The following HTR1B variants were observed in gnomAD, a reference collection of about 807,000 sequenced individuals.
The protein encoded by HTR1B is 5-hydroxytryptamine receptor 1B.
In HTR1B, 12 loss-of-function variants were observed where a neutral mutation model predicts 25.3. The observed-to-expected ratio is 0.47, with a 90% CI of 0.30 to 0.77. The LOEUF (loss-of-function observed/expected upper bound fraction) is 0.77. Ranked by LOEUF, HTR1B falls within the 30% of genes least tolerant of loss-of-function variation. HTR1B has a pLI of 0.06. For missense variants in HTR1B, 453 were observed against 503.0 expected (o/e 0.90, Z 0.95); for synonymous variants, 224 against 219.1 (o/e 1.02, Z -0.20).
In HTR1B at chr6:77,462,135, A is replaced by G. The variant is rs1476088838; in HGVS notation, c.*96T>C. The G allele has an allele frequency of 2.5e-6, 2 of 814,334 alleles. No individual in the cohort carries two copies. The highest frequency in any genetic ancestry group is 3.5e-5 in the African/African-American group (2 of 57,900). 50.4% of individuals were successfully genotyped at this position (814,334 alleles called of 1,614,324 possible). A position where few individuals can be genotyped will look rare whatever the true frequency, so the allele number is the denominator to read the frequency against. Reference sequence around the variant, plus strand: ...GCCCAGGAGAGAGAGCCTCGCTGGGACCCAGAAACCGCGAAAGAAGATTCG... The same window carrying G: ...GCCCAGGAGAGAGAGCCTCGCTGGGGCCCAGAAACCGCGAAAGAAGATTCG... On this transcript the variant is annotated 3_prime_UTR_variant, in exon 1 of 1. Transcript: ENST00000369947. This position sits in a 1 kb window ranked among gnomAD's most constrained non-coding sequence, Gnocchi z 4.9.
Position 77,462,728 on chromosome 6 carries a change from C to A in HTR1B, c.676G>T (p.Ala226Ser), listed in dbSNP as rs1766158151. ...TCTACGTAGATGCGGCCATAGAGGGCGATGAGGAGCAGGGTGGGGAAGTAG... is the reference window on the plus strand; with the variant it reads ...TCTACGTAGATGCGGCCATAGAGGGAGATGAGGAGCAGGGTGGGGAAGTAG... The part of the protein sequence containing the change: ...AFYFPTLLLI[A>S]LYGRIYVEAR... The change falls in exon 1 of 1, where the codon GCC (alanine) becomes TCC (serine). Residue 226 changes from alanine to serine, a missense_variant. By Grantham distance (99) the Ala-to-Ser change is moderately conservative. Coordinates refer to ENST00000369947, the MANE Select transcript of HTR1B (RefSeq NM_000863.3). The surrounding 1 kb of genome is among the most constrained non-coding windows in gnomAD (Gnocchi z 4.9). 1.2e-6 allele frequency: 2 copies of A among 1,613,752 alleles called. No homozygotes were observed. Among genetic ancestry groups the A allele is most frequent in the Non-Finnish European group, 1.7e-6 (2 of 1,180,024 alleles).
At position 77,463,215 on chromosome 6, in the gene HTR1B, G is replaced by A. The variant is rs150785882; in HGVS notation, c.189C>T (p.Thr63=). ...CAATCACAAAGGCATTGGAGAGCGTGGTGGCCAAGGTGATGAGCGCCAATA... is the reference window on the plus strand; with the variant it reads ...CAATCACAAAGGCATTGGAGAGCGTAGTGGCCAAGGTGATGAGCGCCAATA... The part of the protein sequence containing the change: ...VMLLALITLA[T]TLSNAFVIAT... Residue 63 remains threonine, a synonymous_variant, in exon 1 of 1, where the codon ACC becomes ACT. Transcript: ENST00000369947. 1.3e-5 allele frequency: 21 copies of A among 1,614,126 alleles called. No homozygotes were observed. The highest frequency in any genetic ancestry group is 1.7e-5 in the Non-Finnish European group (20 of 1,180,060).
In HTR1B at chr6:77,462,251, G is replaced by A. The variant is rs201452414; in HGVS notation, c.1153C>T (p.Arg385Cys). The A allele has an allele frequency of 2.0e-5, 33 of 1,612,908 alleles. No homozygotes were observed. Among genetic ancestry groups the A allele is most frequent in the Non-Finnish European group, 2.6e-5 (31 of 1,179,002 alleles). Residue 385 changes from arginine to cysteine, a missense_variant, in exon 1 of 1, where the codon CGT becomes TGT. This residue lies in a region of HTR1B where 289 missense variants were observed against 319.6 expected (regional missense o/e 0.90). Coordinates refer to ENST00000369947, the MANE Select transcript of HTR1B (RefSeq NM_000863.3). The surrounding 1 kb of genome is among the most constrained non-coding windows in gnomAD (Gnocchi z 4.9). ...DFKQAFHKLI[R>C]FKCTS ...GCAAGTCAACTTGTGCACTTAAAAC[G>A]TATCAGTTTATGGAATGCTTGTTTA...
In HTR1B at chr6:77,462,754, A is replaced by T. The variant is rs1766158956; in HGVS notation, c.650T>A (p.Phe217Tyr). 1 of 1,613,916 alleles carries T rather than the reference A, an allele frequency of 6.2e-7. No homozygotes were observed. Among genetic ancestry groups the T allele is most frequent in the African/African-American group, 1.3e-5 (1 of 74,932 alleles). Residue 217 changes from phenylalanine to tyrosine, a missense_variant, in exon 1 of 1, where the codon TTC becomes TAC. Transcript: ENST00000369947. This position sits in a 1 kb window ranked among gnomAD's most constrained non-coding sequence, Gnocchi z 4.9. Reference protein sequence around the residue: ...LYTVYSTVGAFYFPTLLLIAL... With the variant: ...LYTVYSTVGAYYFPTLLLIAL... Reference sequence around the variant, plus strand: ...GATGAGGAGCAGGGTGGGGAAGTAGAAAGCACCCACCGTGGAGTAGACCGT... The same window carrying T: ...GATGAGGAGCAGGGTGGGGAAGTAGTAAGCACCCACCGTGGAGTAGACCGT...
chr6:77,462,662 C>G lies in HTR1B; in HGVS notation c.742G>C (p.Gly248Arg). The G allele has an allele frequency of 1.2e-6, 2 of 1,613,312 alleles. No homozygotes were observed. The highest frequency in any genetic ancestry group is 1.3e-5 in the African/African-American group (1 of 74,996). Residue 248 changes from glycine to arginine, a missense_variant, in exon 1 of 1, where the codon GGC (glycine) becomes CGC (arginine). Coordinates refer to ENST00000369947, the MANE Select transcript of HTR1B (RefSeq NM_000863.3). The surrounding 1 kb of genome is among the most constrained non-coding windows in gnomAD (Gnocchi z 4.9). ...AGCTGGGCTCGGGTCAAGCGCTTGC[C>G]GGTCCTGTTGGGCGTCTGTTTCAAA... Reference protein sequence around the residue: ...RILKQTPNRTGKRLTRAQLIT... With the variant: ...RILKQTPNRTRKRLTRAQLIT...
rs751157790 is a variant in HTR1B, at chr6:77,462,200, T to C, written c.*31A>G. The C allele has an allele frequency of 1.3e-6, 2 of 1,501,618 alleles. No individual in the cohort carries two copies. The highest frequency in any genetic ancestry group is 1.8e-5 in the Admixed American group (1 of 57,036). The allele number at this position is 1,501,618 out of a possible 1,614,324, so 93.0% of individuals were successfully genotyped here. A position where few individuals can be genotyped will look rare whatever the true frequency, so the allele number is the denominator to read the frequency against. ...CCAGACACAACTTGGTCCCCAAAGGTCGCTTAGGCGACCCCACTGCAAACG... is the reference window on the plus strand; with the variant it reads ...CCAGACACAACTTGGTCCCCAAAGGCCGCTTAGGCGACCCCACTGCAAACG... On this transcript the variant is annotated 3_prime_UTR_variant, in exon 1 of 1. Transcript: ENST00000369947. This position sits in a 1 kb window ranked among gnomAD's most constrained non-coding sequence, Gnocchi z 4.9.
Position 77,463,032 on chromosome 6 carries a change from G to C in HTR1B, c.372C>G (p.Phe124Leu), listed in dbSNP as rs369054681. 1 of 1,614,208 alleles carries C rather than the reference G, an allele frequency of 6.2e-7. No individual in the cohort carries two copies. Among genetic ancestry groups the C allele is most frequent in the Non-Finnish European group, 8.5e-7 (1 of 1,180,042 alleles). Reference sequence around the variant, plus strand: ...AACAAGTGATGTCCGACGACAGCCAGAAGTCACAGACCACCTGGCCCAGTG... The same window carrying C: ...AACAAGTGATGTCCGACGACAGCCACAAGTCACAGACCACCTGGCCCAGTG... ...RWTLGQVVCD[F>L]WLSSDITCCT... The change falls in exon 1 of 1, where the codon TTC (phenylalanine) becomes TTG (leucine). Residue 124 changes from phenylalanine to leucine, a missense_variant. Phe to Leu is a conservative substitution (Grantham distance 22). This residue lies in a region of HTR1B where 35 missense variants were observed against 65.1 expected (regional missense o/e 0.54). Transcript: ENST00000369947.
chr6:77,462,497 T>C lies in HTR1B; in HGVS notation c.907A>G (p.Lys303Glu). ...RVSDALLEKK[K>E]LMAARERKAT... Reference sequence around the variant, plus strand: ...TTGCGCTCCCTAGCGGCCATGAGTTTCTTCTTTTCCAGCAGGGCGTCGGAG... The same window carrying C: ...TTGCGCTCCCTAGCGGCCATGAGTTCCTTCTTTTCCAGCAGGGCGTCGGAG... The change falls in exon 1 of 1, where the codon AAA becomes GAA. Residue 303 changes from lysine (K) to glutamate (E), a missense_variant. Physicochemically the swap from Lys to Glu is moderately conservative, Grantham distance 56. Transcript: ENST00000369947. This position sits in a 1 kb window ranked among gnomAD's most constrained non-coding sequence, Gnocchi z 4.9. 1 of 1,613,932 alleles carries C rather than the reference T, an allele frequency of 6.2e-7. No individual in the cohort carries two copies. Among genetic ancestry groups the C allele is most frequent in the East Asian group, 2.2e-5 (1 of 44,852 alleles).
Position 77,461,099 on chromosome 6 carries a change from A to G in HTR1B, c.*1132T>C, listed in dbSNP as rs1205291902. The stretch of plus-strand genomic sequence containing the variant: ...ATCAGATAAAAGTTTCATGCATTTT[A>G]AGATTTTTTTACAAGTCAAAATATA... On this transcript the variant is annotated 3_prime_UTR_variant, in exon 1 of 1. Coordinates refer to ENST00000369947, the MANE Select transcript of HTR1B (RefSeq NM_000863.3). 6.6e-6 allele frequency among the ~76,000 whole-genome samples: 1 copy of G among 152,142 alleles called. No individual in the cohort carries two copies. The highest frequency in any genetic ancestry group is 6.5e-5 in the Admixed American group (1 of 15,280).
rs773266682 is a variant in HTR1B at position 77,462,421 on chromosome 6, A to G, written c.983T>C (p.Leu328Pro). ...IILGAFIVCW[L>P]PFFIISLVMP... Reference sequence around the variant, plus strand: ...CACTAGGGAGATGATGAAGAAGGGTAGCCAACACACAATAAAGGCTCCCAA... The same window carrying G: ...CACTAGGGAGATGATGAAGAAGGGTGGCCAACACACAATAAAGGCTCCCAA... Residue 328 changes from leucine to proline, a missense_variant, in exon 1 of 1, where the codon CTA becomes CCA. Leu to Pro is a moderately conservative substitution (Grantham distance 98). Coordinates refer to ENST00000369947, the MANE Select transcript of HTR1B (RefSeq NM_000863.3). This position sits in a 1 kb window ranked among gnomAD's most constrained non-coding sequence, Gnocchi z 4.9. 2 of 1,614,110 alleles carry G rather than the reference A, an allele frequency of 1.2e-6. No homozygotes were observed. The highest frequency in any genetic ancestry group is 1.7e-6 in the Non-Finnish European group (2 of 1,180,016).
rs554770523 is a variant in HTR1B at position 77,462,048 on chromosome 6, A to G, written c.*183T>C. On this transcript the variant is annotated 3_prime_UTR_variant, in exon 1 of 1. Transcript: ENST00000369947. This position sits in a 1 kb window ranked among gnomAD's most constrained non-coding sequence, Gnocchi z 4.9. Reference sequence around the variant, plus strand: ...CAGGGAAGCTCTACATTTAGTTTCAACACTTCTCCTTTCAGAGCTCTCTCT... The same window carrying G: ...CAGGGAAGCTCTACATTTAGTTTCAGCACTTCTCCTTTCAGAGCTCTCTCT... The G allele has an allele frequency of 3.4e-6, 2 of 587,244 alleles. No individual in the cohort carries two copies. The highest frequency in any genetic ancestry group is 3.7e-5 in the African/African-American group (2 of 53,716). The allele number at this position is 587,244 out of a possible 1,614,324, so 36.4% of individuals were successfully genotyped here. A position where few individuals can be genotyped will look rare whatever the true frequency, so the allele number is the denominator to read the frequency against.
chr6:77,461,823 A>G lies in HTR1B; in HGVS notation c.*408T>C. On this transcript the variant is annotated 3_prime_UTR_variant, in exon 1 of 1. Coordinates refer to ENST00000369947, the MANE Select transcript of HTR1B (RefSeq NM_000863.3). ...TCTAGTTCAAGTACTGCCAGGCTGT[A>G]TGTAGATCTGTCTCAGACAGGCTTC... 30 of 167,194 alleles carry G rather than the reference A, an allele frequency of 1.8e-4. No homozygotes were observed. Among genetic ancestry groups the G allele is most frequent in the South Asian group, 9.9e-4 (6 of 6,062 alleles). 10.4% of individuals were successfully genotyped at this position (167,194 alleles called of 1,614,324 possible). A position where few individuals can be genotyped will look rare whatever the true frequency, so the allele number is the denominator to read the frequency against.
At position 77,461,320 on chromosome 6, in the gene HTR1B, C is replaced by T. The variant is rs1225025292; in HGVS notation, c.*911G>A. 6.6e-6 allele frequency among the ~76,000 whole-genome samples: 1 copy of T among 152,138 alleles called. No individual in the cohort carries two copies. The highest frequency in any genetic ancestry group is 2.4e-5 in the African/African-American group (1 of 41,422). On this transcript the variant is annotated 3_prime_UTR_variant, in exon 1 of 1. Coordinates refer to ENST00000369947, the MANE Select transcript of HTR1B (RefSeq NM_000863.3). ...TAGCAGCAGTGTGGGCTGAGTCACC[C>T]ATCATACCCTTCATTTATGGGGATT...
At position 77,462,434 on chromosome 6, in the gene HTR1B, T is replaced by A. The variant is rs200608011; in HGVS notation, c.970A>T (p.Ile324Phe). 2 of 1,613,714 alleles carry A rather than the reference T, an allele frequency of 1.2e-6. No individual in the cohort carries two copies. The highest frequency in any genetic ancestry group is 1.7e-6 in the Non-Finnish European group (2 of 1,179,936). ...KTLGIILGAF[I>F]VCWLPFFIIS... ...ATGAAGAAGGGTAGCCAACACACAA[T>A]AAAGGCTCCCAAAATGATCCCTAGG... Residue 324 changes from isoleucine (I) to phenylalanine (F), a missense_variant, in exon 1 of 1, where the codon ATT (isoleucine) becomes TTT (phenylalanine). This residue lies in a region of HTR1B where 289 missense variants were observed against 319.6 expected (regional missense o/e 0.90). Transcript: ENST00000369947. The surrounding 1 kb of genome is among the most constrained non-coding windows in gnomAD (Gnocchi z 4.9).
At position 77,463,123 on chromosome 6, in the gene HTR1B, G is replaced by A; in HGVS notation, c.281C>T (p.Thr94Ile). 6.2e-7 allele frequency: 1 copy of A among 1,614,230 alleles called. No individual in the cohort carries two copies. Among genetic ancestry groups the A allele is most frequent in the Non-Finnish European group, 8.5e-7 (1 of 1,180,044 alleles). ...ANYLIASLAV[T>I]DLLVSILVMP... ...CACCAGGATGGACACAAGCAGGTCGGTGACCGCCAGAGAGGCGATCAGGTA... is the reference window on the plus strand; with the variant it reads ...CACCAGGATGGACACAAGCAGGTCGATGACCGCCAGAGAGGCGATCAGGTA... Residue 94 changes from threonine to isoleucine, a missense_variant, in exon 1 of 1, where the codon ACC becomes ATC. By Grantham distance (89) the Thr-to-Ile change is moderately conservative. Transcript: ENST00000369947.
chr6:77,461,530 C>G lies in HTR1B; in HGVS notation c.*701G>C. The stretch of plus-strand genomic sequence containing the variant: ...ATAGGTGTTGATTCTCAGTTTAACA[C>G]TCCTCATCTCCCATTCCCACCCACC... On this transcript the variant is annotated 3_prime_UTR_variant, in exon 1 of 1. Coordinates refer to ENST00000369947, the MANE Select transcript of HTR1B (RefSeq NM_000863.3). Among the ~76,000 whole-genome samples, 1 of 151,978 alleles carries G rather than the reference C, an allele frequency of 6.6e-6. No homozygotes were observed. Among genetic ancestry groups the G allele is most frequent in the East Asian group, 2.0e-4 (1 of 5,120 alleles).
chr6:77,463,424 C>T lies in HTR1B; in HGVS notation c.-21G>A. 1.9e-6 allele frequency: 3 copies of T among 1,594,860 alleles called. No individual in the cohort carries two copies. The highest frequency in any genetic ancestry group is 2.2e-5 in the South Asian group (2 of 88,976). ...TCCATGGCTCTCCTCGCCCCAGCTC[C>T]GGAGCGCAGCTCTTGGGCATGGAGC... On this transcript the variant is annotated 5_prime_UTR_variant, in exon 1 of 1. Transcript: ENST00000369947.
In HTR1B at chr6:77,461,265, CGG is replaced by C. The variant is rs1766130884; in HGVS notation, c.*964_*965del. Among the ~76,000 whole-genome samples the C allele has an allele frequency of 6.6e-6, 1 of 152,084 alleles. No homozygotes were observed. Among genetic ancestry groups the C allele is most frequent in the Non-Finnish European group, 1.5e-5 (1 of 68,014 alleles). On this transcript the variant is annotated 3_prime_UTR_variant, in exon 1 of 1. Transcript: ENST00000369947. The stretch of plus-strand genomic sequence containing the variant: ...GAAACAGTATATTTCCAATACTAAT[CGG>C]TTTTACCAATTGCATTAGTAAGAAA...
chr6:77,463,293 G>A lies in HTR1B; in HGVS notation c.111C>T (p.Asp37=), dbSNP rs1405209370. The change falls in exon 1 of 1, where the codon GAC becomes GAT. Residue 37 remains aspartate (D), a synonymous_variant. Transcript: ENST00000369947. ...GGGAGATGGAGTCCTGGTAAATGTA[G>A]TCCTTGGCGCTGCAGTTTTGGGAGG... is the stretch of plus-strand genomic sequence containing the variant. ...SAPSQNCSAK[D]YIYQDSISLP... 1.2e-6 allele frequency: 2 copies of A among 1,614,212 alleles called. No individual in the cohort carries two copies. The highest frequency in any genetic ancestry group is 2.2e-5 in the South Asian group (2 of 91,084).
Sources: gnomAD v4.1 joint callset for allele counts (sites outside exome capture counted in the v4.1 genomes callset) on GRCh38, gnomAD v4.1.1 for gene constraint, gnomAD v4.1.1 regional missense constraint, Gnocchi (gnomAD v3.1) non-coding constraint, MANE v1.5 for transcripts, NCBI Gene and HGNC (gene_info 2026-07-23, HGNC 2026-07-21) for gene names.